The following NRIP1 variants were observed in gnomAD, a reference collection of about 807,000 sequenced individuals.
NRIP1 encodes the protein nuclear receptor interacting protein 1, also known as nuclear receptor-interacting protein 1.
In NRIP1, 28 loss-of-function variants were observed where a neutral mutation model predicts 75.0. The observed-to-expected ratio is 0.37, with a 90% confidence interval of 0.28 to 0.51. NRIP1 has a LOEUF of 0.51. Among genes scored for constraint, NRIP1 ranks in the 20% least tolerant of loss-of-function variants. NRIP1 has a pLI of 0.92. For synonymous variants in NRIP1, 526 were observed against 487.6 expected, an observed-to-expected ratio of 1.08 and a Z score of -1.04; for missense variants, 1,435 against 1,343.7, an observed-to-expected ratio of 1.07 and a Z score of -1.06.
rs559032527 is a variant in NRIP1, at chr21:15,016,739, G to T, written c.-457-2273C>A. ...TTCTACTAAAAATATAAAAAAATTA[G>T]CTGGGTGTGGTGGTGGGCACCTGTA... On this transcript the variant is annotated intron_variant, in intron 2 of 3. Coordinates refer to ENST00000318948, the MANE Select transcript of NRIP1 (RefSeq NM_003489.4). Among the ~76,000 whole-genome samples, 5 of 152,114 alleles carry T rather than the reference G, an allele frequency of 3.3e-5. No homozygotes were observed. In the East Asian group the frequency reaches 7.7e-4, roughly 24 times the overall value.
At chr21:15,045,879 A>G (rs2089062700) in intron 1 of NRIP1, among the ~76,000 whole-genome samples, 1 of 152,210 alleles carries the variant, frequency 6.6e-6, no homozygotes, top group African/African-American at 2.4e-5. Flanking sequence ...TTCTTTGCTC[A>G]TCTATAAGGA....
intron 3 of NRIP1, among the ~76,000 whole-genome samples, chr21:14,995,153 C>T (rs1224286107): frequency 3.3e-5 from 5 of 152,164 alleles, no homozygotes; most frequent in South Asian, 2.1e-4. Context: ...CAACCACATA[C>T]ATACTAAATA....
At position 14,966,637 on chromosome 21, in the gene NRIP1, G is replaced by C; in HGVS notation, c.1556C>G (p.Pro519Arg). The change falls in exon 4 of 4, where the codon CCT becomes CGT. Residue 519 changes from proline to arginine, a missense_variant. Pro to Arg is a moderately radical substitution (Grantham distance 103, BLOSUM62 -2). Transcript: ENST00000318948. The part of the protein sequence containing the change: ...NEENVEKNTS[P>R]QGVHNDVSKF... ...GCTCACATCATTGTGTACTCCCTGA[G>C]GGCTGGTGTTTTTTTCTACATTTTC... 1 of 1,614,072 alleles carries C rather than the reference G, an allele frequency of 6.2e-7. No homozygotes were observed. The highest frequency in any genetic ancestry group is 8.5e-7 in the Non-Finnish European group (1 of 1,179,986).
At position 14,990,271 on chromosome 21, in the gene NRIP1, G is replaced by C. The variant is rs574388518; in HGVS notation, c.-334-21745C>G. Among the ~76,000 whole-genome samples, 30 of 151,546 alleles carry C rather than the reference G, an allele frequency of 2.0e-4. No homozygotes were observed. The South Asian group carries it at 6.1e-3, about 31-fold the overall frequency. ...TCTCCATCTTTTATTTCTCAAGTTT[G>C]AATGTATTTCTACCTGTCTTACTCA... is the stretch of plus-strand genomic sequence containing the variant. On this transcript the variant is annotated intron_variant, in intron 3 of 3. Transcript: ENST00000318948.
chr21:15,023,501 T>G, intron 2 of NRIP1, among the ~76,000 whole-genome samples: 1 of 152,158 alleles, frequency 6.6e-6, no homozygotes, highest in East Asian at 1.9e-4. Flanking sequence ...GAAAAGTAAC[T>G]TGTAAATACT....
chr21:15,035,279 T>C (rs2088806133), intron 2 of NRIP1, among the ~76,000 whole-genome samples: 1 of 152,186 alleles, frequency 6.6e-6, no homozygotes, highest in South Asian at 2.1e-4. Flanking sequence ...ACAGGAATCC[T>C]TATATCTCAA....
chr21:15,056,237 G>A (rs909554364), intron 1 of NRIP1, among the ~76,000 whole-genome samples: 2 of 148,418 alleles, frequency 1.3e-5, no homozygotes, highest in South Asian at 2.1e-4. Context: ...AAAATCTAAC[G>A]ATTCTATGAA....
chr21:14,988,723 C>T (rs976312632), intron 3 of NRIP1, among the ~76,000 whole-genome samples: 1 of 152,024 alleles, frequency 6.6e-6, no homozygotes, highest in African/African-American at 2.4e-5. Context: ...AAACCACAGA[C>T]CTCAGGAGAA....
Position 15,043,412 on chromosome 21 carries a change from G to A in NRIP1, c.-458+83C>T, listed in dbSNP as rs561087192. 8.5e-5 allele frequency: 13 copies of A among 152,220 alleles called. No homozygotes were observed. In the South Asian group the frequency reaches 2.7e-3, roughly 32 times the overall value. The allele number at this position is 152,220 out of a possible 1,614,324, so 9.4% of individuals were successfully genotyped here. ...AAAAGTTAAAGAAAAATAACAAAAT[G>A]TGGCATAACAGTCTTACTTTTCTAC... On this transcript the variant is annotated intron_variant, in intron 2 of 3. Coordinates refer to ENST00000318948, the MANE Select transcript of NRIP1 (RefSeq NM_003489.4).
chr21:15,050,069 C>A (rs571748088), intron 1 of NRIP1: 1 of 152,328 alleles, frequency 6.6e-6, no homozygotes, highest in East Asian at 1.9e-4. Flanking sequence ...TAATAAAATA[C>A]TAATTCCTAT....
Position 14,968,216 on chromosome 21 carries a change from G to C in NRIP1, c.-24C>G, listed in dbSNP as rs1392143579. On this transcript the variant is annotated 5_prime_UTR_variant, in exon 4 of 4. Coordinates refer to ENST00000318948, the MANE Select transcript of NRIP1 (RefSeq NM_003489.4). Reference sequence around the variant, plus strand: ...ATGTTCAATAGAAGTGTTCACAAGGGCTTGGTTTCTATTCACTTTAAAGAA... The same window carrying C: ...ATGTTCAATAGAAGTGTTCACAAGGCCTTGGTTTCTATTCACTTTAAAGAA... 1 of 1,524,396 alleles carries C rather than the reference G, an allele frequency of 6.6e-7. No individual in the cohort carries two copies. The highest frequency in any genetic ancestry group is 2.3e-5 in the East Asian group (1 of 44,336). The allele number at this position is 1,524,396 out of a possible 1,614,324, so 94.4% of individuals were successfully genotyped here.
chr21:14,967,984 G>A lies in NRIP1; in HGVS notation c.209C>T (p.Thr70Ile), dbSNP rs1458904871. 3 of 1,613,988 alleles carry A rather than the reference G, an allele frequency of 1.9e-6. No individual in the cohort carries two copies. The highest frequency in any genetic ancestry group is 2.5e-6 in the Non-Finnish European group (3 of 1,179,976). Reference sequence around the variant, plus strand: ...CATGCCAGACCCCTGATATGTATGTGTATTGAGAACTGGACCATTACTTTG... The same window carrying A: ...CATGCCAGACCCCTGATATGTATGTATATTGAGAACTGGACCATTACTTTG... Reference protein sequence around the residue: ...TCQSNGPVLNTHTYQGSGMLH... With the variant: ...TCQSNGPVLNIHTYQGSGMLH... The change falls in exon 4 of 4, where the codon ACA (threonine) becomes ATA (isoleucine). Residue 70 changes from threonine (T) to isoleucine (I), a missense_variant. Transcript: ENST00000318948.
At chr21:15,003,568 G>C (rs553251053) in intron 3 of NRIP1, among the ~76,000 whole-genome samples, 2 of 152,242 alleles carry the variant, frequency 1.3e-5, no homozygotes, top group Admixed American at 1.3e-4. Flanking sequence ...ATGACCTAAA[G>C]CTTCCCTCAA....
At chr21:15,057,881 A>G (rs1351621646) in intron 1 of NRIP1, among the ~76,000 whole-genome samples, 3 of 152,148 alleles carry the variant, frequency 2.0e-5, no homozygotes, top group Non-Finnish European at 2.9e-5. Context: ...TCTGGCACAA[A>G]ACGGTTGCCC....
chr21:14,967,630 A>G lies in NRIP1; in HGVS notation c.563T>C (p.Leu188Ser), dbSNP rs1166953948. The G allele has an allele frequency of 1.9e-6, 3 of 1,613,546 alleles. No homozygotes were observed. The highest frequency in any genetic ancestry group is 2.2e-5 in the South Asian group (2 of 91,016). Residue 188 changes from leucine to serine, a missense_variant, in exon 4 of 4, where the codon TTG (leucine) becomes TCG (serine). By Grantham distance (145) the Leu-to-Ser change is moderately radical (BLOSUM62 -2). Coordinates refer to ENST00000318948, the MANE Select transcript of NRIP1 (RefSeq NM_003489.4). ...ATCTTTAACTTTACTTTTCTTCAAC[A>G]AAGTTTTTAAGTGACTTGATGCAAC... Reference protein sequence around the residue: ...YGVASSHLKTLLKKSKVKDQK... With the variant: ...YGVASSHLKTSLKKSKVKDQK...
intron 1 of NRIP1, among the ~76,000 whole-genome samples, chr21:15,047,825 T>G (rs1346568445): frequency 6.6e-6 from 1 of 152,228 alleles, no homozygotes; most frequent in Non-Finnish European, 1.5e-5. Context: ...CACAACTTGG[T>G]GAACTGGCAC....
intron 3 of NRIP1, among the ~76,000 whole-genome samples, chr21:14,982,591 G>A (rs2087268000): frequency 6.6e-6 from 1 of 151,878 alleles, no homozygotes; most frequent in Non-Finnish European, 1.5e-5. Flanking sequence ...TCCTCTCTGT[G>A]ACTCCACGGC....
intron 3 of NRIP1, among the ~76,000 whole-genome samples, chr21:14,993,425 C>T (rs896906422): frequency 3.2e-4 from 49 of 152,110 alleles, no homozygotes; most frequent in Non-Finnish European, 7.1e-4. Flanking sequence ...AATATCCCTT[C>T]TATATTCATA....
intron 2 of NRIP1, among the ~76,000 whole-genome samples, chr21:15,021,773 A>G (rs924684498): frequency 2.6e-5 from 4 of 152,224 alleles, no homozygotes; most frequent in African/African-American, 9.6e-5. Context: ...TCGTGCGGCC[A>G]GCAAATATAG....
Sources: gnomAD v4.1 joint callset for allele counts (sites outside exome capture counted in the v4.1 genomes callset) on GRCh38, gnomAD v4.1.1 for gene constraint, MANE v1.5 for transcripts, NCBI Gene and HGNC (gene_info 2026-07-23, HGNC 2026-07-21) for gene names.